Variants in CACNA1B observed in about 807,000 individuals in gnomAD.
CACNA1B encodes calcium voltage-gated channel subunit alpha1 B.
In CACNA1B, 70 loss-of-function variants were observed where a neutral mutation model predicts 247.2. That is an observed-to-expected ratio of 0.28 (90% confidence interval 0.23 to 0.35). The LOEUF (loss-of-function observed/expected upper bound fraction) is 0.35, where lower values mean the gene tolerates loss of function less well. Ranked by LOEUF, CACNA1B falls within the 10% of genes least tolerant of loss-of-function variation. CACNA1B has a pLI of 1.00. For synonymous variants in CACNA1B, 1,231 were observed against 1,294.4 expected (o/e 0.95, Z 1.05); for missense variants, 2,367 against 3,197.4 (o/e 0.74, Z 6.26).
In CACNA1B at chr9:138,093,739, C is replaced by CA. The variant is rs954768849; in HGVS notation, c.5095-2735dup. Among the ~76,000 whole-genome samples, 756 of 142,054 alleles carry CA rather than the reference C, an allele frequency of 5.3e-3. 6 individuals are homozygous for CA. The highest frequency in any genetic ancestry group is 0.018 in the African/African-American group (686 of 38,962). 93.2% of individuals were successfully genotyped at this position (142,054 alleles called of 152,430 possible). A position where few individuals can be genotyped will look rare whatever the true frequency, so the allele number is the denominator to read the frequency against. On this transcript the variant is annotated intron_variant, in intron 36 of 46. Transcript: ENST00000371372. ...TGGGAGACAGAGCAAGACTCCATCT[C>CA]AAAAAAAAAACTAATAAATTAATTA...
chr9:138,055,159 C>T, intron 26 of CACNA1B, among the ~76,000 whole-genome samples: 1 of 149,708 alleles, frequency 6.7e-6, no homozygotes, highest in African/African-American at 2.5e-5. Flanking sequence ...CAGGATCTCA[C>T]ACTTTTGCCC....
At chr9:138,042,131 C>T (rs1043182679) in intron 20 of CACNA1B, among the ~76,000 whole-genome samples, 4 of 152,056 alleles carry the variant, frequency 2.6e-5, no homozygotes, top group Non-Finnish European at 4.4e-5. Flanking sequence ...TTTACTTAGT[C>T]AGTTTATGGT....
chr9:137,918,617 G>C (rs1421643958), intron 6 of CACNA1B, among the ~76,000 whole-genome samples: 1 of 152,162 alleles, frequency 6.6e-6, no homozygotes, highest in African/African-American at 2.4e-5. Flanking sequence ...TCTCTCCCCA[G>C]CCTCCAGCAG....
chr9:138,102,897 A>T lies in CACNA1B; in HGVS notation c.5319+90A>T, dbSNP rs1961299983. ...GGCTCTCCCAGCTCCTCTCCCTTTC[A>T]GGGTGCCCGGCTGTCTGTCTGCCGC... On this transcript the variant is annotated intron_variant, in intron 38 of 46. Coordinates refer to ENST00000371372, the MANE Select transcript of CACNA1B (RefSeq NM_000718.4). This position sits in a 1 kb window ranked among gnomAD's most constrained non-coding sequence, Gnocchi z 5.4. 7 of 758,118 alleles carry T rather than the reference A, an allele frequency of 9.2e-6. 1 individual carries two copies. The South Asian group carries it at 1.2e-4, about 13-fold the overall frequency. The allele number at this position is 758,118 out of a possible 1,614,324, so 47.0% of individuals were successfully genotyped here.
Position 137,978,563 on chromosome 9 carries a change from C to G in CACNA1B, c.1656+2544C>G, listed in dbSNP as rs973134587. The stretch of plus-strand genomic sequence containing the variant: ...AGTGGGGAGTAGGAGTGCCGCCCCC[C>G]AAGGGAGGGTTTGGAGCTCGGCAGA... On this transcript the variant is annotated intron_variant, in intron 12 of 46. Coordinates refer to ENST00000371372, the MANE Select transcript of CACNA1B (RefSeq NM_000718.4). Among the ~76,000 whole-genome samples the G allele has an allele frequency of 2.0e-5, 3 of 152,164 alleles. No homozygotes were observed. The East Asian group carries it at 5.8e-4, about 29-fold the overall frequency.
chr9:138,006,824 G>A lies in CACNA1B; in HGVS notation c.2032G>A (p.Gly678Ser). 1.2e-6 allele frequency: 2 copies of A among 1,611,988 alleles called. No homozygotes were observed. The highest frequency in any genetic ancestry group is 2.2e-5 in the East Asian group (1 of 44,884). Residue 678 changes from glycine to serine, a missense_variant, in exon 16 of 47, where the codon GGC becomes AGC. Around this residue, in one of 12 missense-constraint regions of CACNA1B, gnomAD observed 76 missense variants for 191.0 expected, o/e 0.40. Transcript: ENST00000371372. ...VMYHGIESQGGVSKGMFSSFY... is the reference protein window; with the variant it reads ...VMYHGIESQGSVSKGMFSSFY... ...GTATCACGGGATCGAATCGCAAGGC[G>A]GCGTCAGCAAAGGCATGTTCTCGTC... is the stretch of plus-strand genomic sequence containing the variant.
chr9:138,005,808 C>T (rs986925309), intron 15 of CACNA1B, among the ~76,000 whole-genome samples: 1 of 152,160 alleles, frequency 6.6e-6, no homozygotes, highest in Middle Eastern at 3.4e-3. Context: ...CTTTGGGAGG[C>T]CGAGGTGGGC....
At chr9:137,963,103 C>T (rs1214698461) in intron 10 of CACNA1B, among the ~76,000 whole-genome samples, 2 of 152,218 alleles carry the variant, frequency 1.3e-5, no homozygotes, top group African/African-American at 2.4e-5. Context: ...CTTAGCTCTT[C>T]TTGTTGAATT....
chr9:138,110,903 A>G (rs1042670882), intron 39 of CACNA1B, among the ~76,000 whole-genome samples: 3 of 152,236 alleles, frequency 2.0e-5, no homozygotes, highest in Non-Finnish European at 4.4e-5. Context: ...AGTGTCATCA[A>G]AGAAGATATA....
intron 6 of CACNA1B, among the ~76,000 whole-genome samples, chr9:137,931,571 A>G (rs909596360): frequency 1.3e-5 from 2 of 151,794 alleles, no homozygotes; most frequent in African/African-American, 4.8e-5. Flanking sequence ...TTCCCCCGAG[A>G]TGTGATCCCC....
intron 34 of CACNA1B, among the ~76,000 whole-genome samples, chr9:138,075,208 A>G (rs974438709): frequency 6.6e-6 from 1 of 152,200 alleles, no homozygotes; most frequent in Non-Finnish European, 1.5e-5. Flanking sequence ...TAAAATTTGC[A>G]GAGATCTGAT....
In CACNA1B at chr9:138,115,696, A is replaced by G; in HGVS notation, c.5777+17A>G. On this transcript the variant is annotated intron_variant, in intron 42 of 46. Coordinates refer to ENST00000371372, the MANE Select transcript of CACNA1B (RefSeq NM_000718.4). ...CGGGGCCATGTGAGTATCCAGATGC[A>G]GGACATAGCTGGACAGGAGGAGGTC... The G allele has an allele frequency of 6.2e-7, 1 of 1,606,666 alleles. No homozygotes were observed. The highest frequency in any genetic ancestry group is 8.5e-7 in the Non-Finnish European group (1 of 1,175,626).
rs542490041 is a variant in CACNA1B at position 138,052,229 on chromosome 9, T to G, written c.3807+41T>G. 9.7e-7 allele frequency: 1 copy of G among 1,031,284 alleles called. No individual in the cohort carries two copies. The highest frequency in any genetic ancestry group is 1.8e-5 in the African/African-American group (1 of 56,386). The allele number at this position is 1,031,284 out of a possible 1,614,324, so 63.9% of individuals were successfully genotyped here. A position where few individuals can be genotyped will look rare whatever the true frequency, so the allele number is the denominator to read the frequency against. On this transcript the variant is annotated intron_variant, in intron 25 of 46. Transcript: ENST00000371372. The surrounding 1 kb of genome is among the most constrained non-coding windows in gnomAD (Gnocchi z 5.1). ...TGGGGCTTGAGGGATGTGCTGTGTG[T>G]GTGTGCGTGTGTGTGTGTGCGTGTG...
At chr9:137,926,068 C>CTTTT (rs71387875) in intron 6 of CACNA1B, among the ~76,000 whole-genome samples, 3 of 105,184 alleles carry the variant, frequency 2.9e-5, no homozygotes, top group Non-Finnish European at 5.2e-5. Context: ...TTTTTCCTTT[C>CTTTT]TTTTTTTTTT....
At chr9:138,034,736 C>T (rs2133454822) in intron 20 of CACNA1B, among the ~76,000 whole-genome samples, 1 of 152,186 alleles carries the variant, frequency 6.6e-6, no homozygotes, top group Middle Eastern at 3.4e-3. Context: ...TTCTTTCTTC[C>T]TTCTACCTGT....
chr9:138,118,965 G>C (rs1026628735), intron 44 of CACNA1B, among the ~76,000 whole-genome samples, 197 bp downstream of exon 44: 16 of 152,084 alleles, frequency 1.1e-4, no homozygotes, highest in Non-Finnish European at 2.2e-4. Flanking sequence ...CAGCCTGGAC[G>C]CCTTCAGCCC....
chr9:137,936,997 G>GT (rs1957676256), intron 6 of CACNA1B, among the ~76,000 whole-genome samples: 1 of 152,184 alleles, frequency 6.6e-6, no homozygotes, highest in Admixed American at 6.5e-5. Context: ...CTTTAAAGTA[G>GT]TTTTTTCCAA....
In CACNA1B at chr9:138,047,047, A is replaced by C. The variant is rs372336564; in HGVS notation, c.3543+14A>C. The C allele has an allele frequency of 6.2e-7, 1 of 1,600,184 alleles. No individual in the cohort carries two copies. The highest frequency in any genetic ancestry group is 8.5e-7 in the Non-Finnish European group (1 of 1,171,080). ...CCCAGGAACAACGTGAGTGGCCCGG[A>C]TGGCCGGGTCCCCGCCAGGCTGTGG... is the stretch of plus-strand genomic sequence containing the variant. On this transcript the variant is annotated intron_variant, in intron 22 of 46. Transcript: ENST00000371372.
At chr9:137,927,563 T>C (rs1030537224) in intron 6 of CACNA1B, among the ~76,000 whole-genome samples, 2 of 152,188 alleles carry the variant, frequency 1.3e-5, no homozygotes, top group Non-Finnish European at 2.9e-5. Flanking sequence ...AGAGTTTATT[T>C]TGGGACTCTG....
Sources: gnomAD v4.1 joint callset for allele counts (sites outside exome capture counted in the v4.1 genomes callset) on GRCh38, gnomAD v4.1.1 for gene constraint, gnomAD v4.1.1 regional missense constraint, Gnocchi (gnomAD v3.1) non-coding constraint, MANE v1.5 for transcripts, NCBI Gene and HGNC (gene_info 2026-07-23, HGNC 2026-07-21) for gene names.